PADI4: variants seen among roughly 807,000 people sequenced by gnomAD.
PADI4 encodes the protein protein-arginine deiminase type-4.
A neutral mutation model predicts 75.0 loss-of-function variants in PADI4; 62 were observed. The observed-to-expected ratio is 0.83, with a 90% confidence interval of 0.67 to 1.02. The LOEUF (loss-of-function observed/expected upper bound fraction) is 1.02, where lower values mean the gene tolerates loss of function less well. Ranked by LOEUF, PADI4 falls within the 50% of genes least tolerant of loss-of-function variation. PADI4 has a pLI of 0.00. For synonymous variants in PADI4, 361 were observed against 348.1 expected, an observed-to-expected ratio of 1.04 and a Z score of -0.41; for missense variants, 845 against 850.5, an observed-to-expected ratio of 0.99 and a Z score of 0.08.
chr1:17,317,759 G>A (rs1040640948), intron 1 of PADI4, among the ~76,000 whole-genome samples: 4 of 151,614 alleles, frequency 2.6e-5, no homozygotes, highest in East Asian at 3.9e-4. Context: ...TGTGGCTTGC[G>A]CCTGTAATCC....
rs1278450317 is a variant in PADI4 at position 17,356,462 on chromosome 1, A to G, written c.1558+3A>G. 3.2e-5 allele frequency: 50 copies of G among 1,567,546 alleles called. No homozygotes were observed. Among genetic ancestry groups the G allele is most frequent in the Non-Finnish European group, 4.3e-5 (49 of 1,138,968 alleles). ...CCTGCTGTTCGAAGGGATCAAGAGT[A>G]AGTCGGCCCTGCCTTGTTCTCCTGT... is the stretch of plus-strand genomic sequence containing the variant. On this transcript the variant is annotated splice_donor_region_variant and intron_variant, in intron 13 of 15. Transcript: ENST00000375448. This position sits in a 1 kb window ranked among gnomAD's most constrained non-coding sequence, Gnocchi z 4.1.
At chr1:17,358,553 G>A (rs564255528) in intron 13 of PADI4, among the ~76,000 whole-genome samples, 1 of 37,558 alleles carries the variant, frequency 2.7e-5, no homozygotes, top group Non-Finnish European at 4.8e-5. Flanking sequence ...GGACGACAGC[G>A]AGACTCCGTC....
chr1:17,334,065 C>T (rs2074265026), intron 3 of PADI4, 56 bp downstream of exon 3: 1 of 1,076,062 alleles, frequency 9.3e-7, no homozygotes, highest in Non-Finnish European at 1.5e-6. Context: ...ACCTCCTAAT[C>T]CCTGCAGGAT....
At chr1:17,355,939 T>C (rs748256294) in intron 11 of PADI4, 44 bp from the exon 12 acceptor site, 60 of 1,612,554 alleles carry the variant, frequency 3.7e-5, no homozygotes, top group Non-Finnish European at 5.1e-5. Flanking sequence ...GACTTCCCTG[T>C]AGCCCTTGCT....
intron 13 of PADI4, among the ~76,000 whole-genome samples, chr1:17,358,015 AG>A (rs1373650327): frequency 6.6e-6 from 1 of 151,956 alleles, no homozygotes; most frequent in Non-Finnish European, 1.5e-5. Context: ...TGGGAGGCTG[AG>A]GCGGGTGGAT....
chr1:17,329,788 T>C (rs901920219), intron 1 of PADI4, among the ~76,000 whole-genome samples: 1 of 152,344 alleles, frequency 6.6e-6, no homozygotes, highest in Non-Finnish European at 1.5e-5. Flanking sequence ...CGAATTGTTA[T>C]TTCCTCCTAG....
intron 1 of PADI4, among the ~76,000 whole-genome samples, chr1:17,329,357 C>T (rs1385717945): frequency 3.3e-5 from 5 of 151,204 alleles, no homozygotes; most frequent in Admixed American, 2.6e-4. Flanking sequence ...TCTTGTATAA[C>T]TTTGACTCTC....
intron 8 of PADI4, 90 bp from the exon 9 acceptor site, chr1:17,345,938 C>A (rs925153404): frequency 8.7e-6 from 7 of 804,504 alleles, no homozygotes; most frequent in East Asian, 2.5e-5. Context: ...CCACAGGTGA[C>A]CCCTGAGCCA....
chr1:17,312,833 C>A (rs1258216323), intron 1 of PADI4, among the ~76,000 whole-genome samples: 6 of 147,230 alleles, frequency 4.1e-5, no homozygotes, highest in Non-Finnish European at 3.0e-5. Flanking sequence ...TCCTTGTCGG[C>A]AAATTGTGAG....
chr1:17,359,234 C>CCCCCCCCCCCCCA, intron 14 of PADI4, 46 bp from the exon 15 acceptor site: 7 of 888,912 alleles, frequency 7.9e-6, no homozygotes, highest in South Asian at 1.5e-5. Context: ...CCCCCACCCC[C>CCCCCCCCCCCCCA]GACTGCCATC....
At chr1:17,322,074 T>C (rs572239251) in intron 1 of PADI4, among the ~76,000 whole-genome samples, 42 of 152,204 alleles carry the variant, frequency 2.8e-4, no homozygotes, top group Admixed American at 3.3e-4. Flanking sequence ...TACATAAATA[T>C]AGCGGAGAGG....
chr1:17,321,139 G>A (rs75004237), intron 1 of PADI4, among the ~76,000 whole-genome samples: 1,738 of 152,282 alleles, frequency 0.011, 41 homozygotes, highest in African/African-American at 0.04. Flanking sequence ...GGGAGGATTC[G>A]ATGGCAGAGA....
intron 10 of PADI4, among the ~76,000 whole-genome samples, chr1:17,351,396 G>A (rs2074617386): frequency 6.7e-6 from 1 of 148,254 alleles, no homozygotes; most frequent in African/African-American, 2.5e-5. Context: ...TTCGAGACCA[G>A]CCTAGGCACC....
rs1317456327 is a variant in PADI4 at position 17,352,128 on chromosome 1, T to A, written c.1156-2405T>A. ...GTAGGAGAGACTGTGGTCAGAGAGG[T>A]GATGGGAGGCAGTAGGAGAGGCAAT... On this transcript the variant is annotated intron_variant, in intron 10 of 15. Transcript: ENST00000375448. Among the ~76,000 whole-genome samples the A allele has an allele frequency of 1.5e-4, 20 of 132,734 alleles. 1 individual carries two copies. The highest frequency in any genetic ancestry group is 4.5e-4 in the Admixed American group (6 of 13,338). 87.1% of individuals were successfully genotyped at this position (132,734 alleles called of 152,430 possible).
intron 1 of PADI4, among the ~76,000 whole-genome samples, chr1:17,325,916 C>T (rs1026143514): frequency 3.9e-5 from 6 of 152,068 alleles, no homozygotes; most frequent in Non-Finnish European, 8.8e-5. Flanking sequence ...GTTGGCCAGG[C>T]TGGTCTCCAA....
At position 17,363,724 on chromosome 1, in the gene PADI4, T is replaced by G. The variant is rs775177919; in HGVS notation, c.1961T>G (p.Phe654Cys). Residue 654 changes from phenylalanine to cysteine, a missense_variant, in exon 16 of 16, where the codon TTC (phenylalanine) becomes TGC (cysteine). Phe to Cys is a radical substitution (Grantham distance 205, BLOSUM62 -2). Transcript: ENST00000375448. Reference protein sequence around the residue: ...HCGTNVRRKPFSFKWWNMVP With the variant: ...HCGTNVRRKPCSFKWWNMVP ...GGCACCAACGTGCGCAGAAAGCCCTTCTCCTTCAAGTGGTGGAACATGGTG... is the reference window on the plus strand; with the variant it reads ...GGCACCAACGTGCGCAGAAAGCCCTGCTCCTTCAAGTGGTGGAACATGGTG... 17 of 1,613,816 alleles carry G rather than the reference T, an allele frequency of 1.1e-5. 1 individual carries two copies. The Middle Eastern group carries it at 2.1e-3, about 203-fold the overall frequency.
intron 1 of PADI4, among the ~76,000 whole-genome samples, chr1:17,316,638 C>A (rs1489595546): frequency 6.6e-6 from 1 of 151,476 alleles, no homozygotes; most frequent in African/African-American, 2.4e-5. Context: ...TGCAGTGAGC[C>A]AAGATCGCAC....
chr1:17,329,086 A>C (rs1194179598), intron 1 of PADI4, among the ~76,000 whole-genome samples: 2 of 149,496 alleles, frequency 1.3e-5, no homozygotes, highest in Non-Finnish European at 3.0e-5. Context: ...TTTTATTAGT[A>C]TCTTAATAAA....
At position 17,342,053 on chromosome 1, in the gene PADI4, G is replaced by T; in HGVS notation, c.763G>T (p.Ala255Ser). The change falls in exon 7 of 16, where the codon GCT (alanine) becomes TCT (serine). Residue 255 changes from alanine to serine, a missense_variant. By Grantham distance (99) the Ala-to-Ser change is moderately conservative. Transcript: ENST00000375448. ...CATGGACTTCTACGTGGAGGCCCTC[G>T]CTTTCCCGGACACCGACTTCCCGGG... ...HNMDFYVEALAFPDTDFPGLI... is the reference protein window; with the variant it reads ...HNMDFYVEALSFPDTDFPGLI... The T allele has an allele frequency of 6.2e-7, 1 of 1,614,052 alleles. No homozygotes were observed. Among genetic ancestry groups the T allele is most frequent in the South Asian group, 1.1e-5 (1 of 91,078 alleles).
Sources: gnomAD v4.1 joint callset for allele counts (sites outside exome capture counted in the v4.1 genomes callset) on GRCh38, gnomAD v4.1.1 for gene constraint, Gnocchi (gnomAD v3.1) non-coding constraint, MANE v1.5 for transcripts, NCBI Gene and HGNC (gene_info 2026-07-23, HGNC 2026-07-21) for gene names.